ALDH6A1: variants seen among roughly 807,000 people sequenced by gnomAD.
The protein encoded by ALDH6A1 is methylmalonate-semialdehyde/malonate-semialdehyde dehydrogenase [acylating], mitochondrial.
Under a neutral mutation model 62.6 loss-of-function variants are expected in ALDH6A1, and 43 were observed. That is an observed-to-expected ratio of 0.69 (90% CI 0.54 to 0.89). ALDH6A1 has a LOEUF of 0.89. ALDH6A1 is among the 40% of genes least tolerant of loss of function. ALDH6A1 has a pLI of 0.00. For missense variants in ALDH6A1, 551 were observed against 661.3 expected (o/e 0.83, Z 1.83); for synonymous variants, 194 against 234.2 (o/e 0.83, Z 1.57).
chr14:74,057,971 T>C lies in ALDH6A1; in HGVS notation c.*2671A>G, dbSNP rs2060256345. ...TCTCTGTGACTACATTTAATTCCAC[T>C]TGGAATATAGACAATAATGACCTTT... On this transcript the variant is annotated 3_prime_UTR_variant, in exon 12 of 12. Transcript: ENST00000553458. The C allele has an allele frequency of 1.1e-6, 1 of 876,240 alleles. No individual in the cohort carries two copies. Among genetic ancestry groups the C allele is most frequent in the African/African-American group, 1.8e-5 (1 of 54,762 alleles). 54.3% of individuals were successfully genotyped at this position (876,240 alleles called of 1,614,324 possible).
intron 1 of ALDH6A1, among the ~76,000 whole-genome samples, chr14:74,075,425 GACGGGTATAT>G (rs751025308): frequency 3.3e-5 from 5 of 152,120 alleles, no homozygotes; most frequent in Non-Finnish European, 5.9e-5. Flanking sequence ...GGGAAGCTGA[GACGGGTATAT>G]CACTTGAGTC....
At chr14:74,070,348 A>G (rs2060531574) in intron 6 of ALDH6A1, among the ~76,000 whole-genome samples, 1 of 151,980 alleles carries the variant, frequency 6.6e-6, no homozygotes, top group South Asian at 2.1e-4. Context: ...GTGAAACCCC[A>G]TCTGTACTAA....
chr14:74,082,098 G>A (rs1217004858), intron 1 of ALDH6A1, among the ~76,000 whole-genome samples: 1 of 152,092 alleles, frequency 6.6e-6, no homozygotes, highest in Admixed American at 6.5e-5. Flanking sequence ...GCAGCTACTC[G>A]GAGGGCTGAG....
At chr14:74,079,457 A>G (rs980230915) in intron 1 of ALDH6A1, among the ~76,000 whole-genome samples, 2 of 145,828 alleles carry the variant, frequency 1.4e-5, no homozygotes, top group Non-Finnish European at 3.0e-5. Context: ...TTTTTGAGAC[A>G]GAGTCTCACT....
chr14:74,075,678 T>C (rs2060605074), intron 1 of ALDH6A1, among the ~76,000 whole-genome samples: 2 of 151,872 alleles, frequency 1.3e-5, no homozygotes, highest in African/African-American at 4.8e-5. Context: ...TCAATGTAAA[T>C]ATAAATATAA....
intron 9 of ALDH6A1, 79 bp from the exon 10 acceptor site, chr14:74,065,439 T>C (rs2060446253): frequency 8.0e-7 from 1 of 1,257,608 alleles, no homozygotes; most frequent in Non-Finnish European, 1.1e-6. Context: ...TACTTTCACT[T>C]ACTACACATC....
At position 74,057,866 on chromosome 14, in the gene ALDH6A1, T is replaced by C. The variant is rs1190730796; in HGVS notation, c.*2776A>G. 9.7e-7 allele frequency: 1 copy of C among 1,035,988 alleles called. No individual in the cohort carries two copies. The highest frequency in any genetic ancestry group is 1.7e-5 in the African/African-American group (1 of 57,816). The allele number at this position is 1,035,988 out of a possible 1,614,324, so 64.2% of individuals were successfully genotyped here. A position where few individuals can be genotyped will look rare whatever the true frequency, so the allele number is the denominator to read the frequency against. Reference sequence around the variant, plus strand: ...GCAAATAGTTGGCCAGATGAGTTGTTTCTAATTAGAGCATCACAGTTCTGA... The same window carrying C: ...GCAAATAGTTGGCCAGATGAGTTGTCTCTAATTAGAGCATCACAGTTCTGA... On this transcript the variant is annotated 3_prime_UTR_variant, in exon 12 of 12. Transcript: ENST00000553458.
intron 1 of ALDH6A1, among the ~76,000 whole-genome samples, chr14:74,075,953 C>A (rs2060608451): frequency 6.6e-6 from 1 of 152,174 alleles, no homozygotes; most frequent in Middle Eastern, 3.4e-3. Context: ...ATAATTATGG[C>A]AAGAGACAGA....
Position 74,066,699 on chromosome 14 carries a change from G to C in ALDH6A1, c.1224+6C>G. Reference sequence around the variant, plus strand: ...CTCTCATATTTGTGAAGTGAAAGTTGTTCACCTTGACATTCGAGATGATGG... The same window carrying C: ...CTCTCATATTTGTGAAGTGAAAGTTCTTCACCTTGACATTCGAGATGATGG... On this transcript the variant is annotated splice_donor_region_variant and intron_variant, in intron 9 of 11. Coordinates refer to ENST00000553458, the MANE Select transcript of ALDH6A1 (RefSeq NM_005589.4). The C allele has an allele frequency of 6.2e-7, 1 of 1,613,476 alleles. No individual in the cohort carries two copies. Among genetic ancestry groups the C allele is most frequent in the Non-Finnish European group, 8.5e-7 (1 of 1,179,470 alleles).
chr14:74,065,205 A>G lies in ALDH6A1; in HGVS notation c.1380T>C (p.Tyr460=). The change falls in exon 10 of 12, where the codon TAT becomes TAC. Residue 460 remains tyrosine (Y), a synonymous_variant. Transcript: ENST00000553458. ...CCTGTCCAACATCCACCAAGTGGGC[A>G]TATTTCCGAGCAGTGGCTCCATTGG... ...FTTNGATARK[Y]AHLVDVGQVG... 8.7e-6 allele frequency: 14 copies of G among 1,614,184 alleles called. No homozygotes were observed. The highest frequency in any genetic ancestry group is 1.2e-5 in the Non-Finnish European group (14 of 1,180,026).
At chr14:74,074,406 C>T (rs965476030) in intron 2 of ALDH6A1, among the ~76,000 whole-genome samples, 10 of 151,914 alleles carry the variant, frequency 6.6e-5, no homozygotes, top group African/African-American at 2.2e-4. Flanking sequence ...CCTGCCTCAG[C>T]CCGCAGAGTA....
chr14:74,075,248 A>T (rs2060599682), intron 1 of ALDH6A1, among the ~76,000 whole-genome samples: 1 of 152,174 alleles, frequency 6.6e-6, no homozygotes, highest in South Asian at 2.1e-4. Flanking sequence ...GATTAAAAAA[A>T]ATCTTTTTGT....
At chr14:74,075,105 T>G in intron 1 of ALDH6A1, 88 bp from the exon 2 acceptor site, 1 of 1,198,778 alleles carries the variant, frequency 8.3e-7, no homozygotes, top group African/African-American at 1.5e-5. Flanking sequence ...CTATTTGCTA[T>G]AGTATATAGG....
intron 1 of ALDH6A1, chr14:74,080,970 T>C (rs1011457702): frequency 1.3e-5 from 2 of 152,316 alleles, no homozygotes; most frequent in African/African-American, 4.8e-5. Context: ...CTCCTGCAAT[T>C]TAACGTGTGT....
intron 4 of ALDH6A1, 36 bp from the exon 5 acceptor site, chr14:74,072,010 G>A (rs774246751): frequency 3.1e-6 from 5 of 1,602,730 alleles, no homozygotes; most frequent in Non-Finnish European, 4.3e-6. Flanking sequence ...ATTAATGCAA[G>A]AATGTTCCTC....
Position 74,065,295 on chromosome 14 carries a change from T to A in ALDH6A1, c.1290A>T (p.Thr430=). Residue 430 remains threonine (T), a synonymous_variant, in exon 10 of 12, where the codon ACA becomes ACT. Coordinates refer to ENST00000553458, the MANE Select transcript of ALDH6A1 (RefSeq NM_005589.4). The part of the protein sequence containing the change: ...GPVLVVLETE[T]LDEAIQIVNN... Reference sequence around the variant, plus strand: ...TTACAATCTGGATGGCTTCATCCAATGTTTCTGTCTCCAGAACCACAAGAA... The same window carrying A: ...TTACAATCTGGATGGCTTCATCCAAAGTTTCTGTCTCCAGAACCACAAGAA... 1.9e-6 allele frequency: 3 copies of A among 1,614,188 alleles called. No individual in the cohort carries two copies. The highest frequency in any genetic ancestry group is 2.5e-6 in the Non-Finnish European group (3 of 1,180,030).
intron 2 of ALDH6A1, among the ~76,000 whole-genome samples, chr14:74,073,957 A>G (rs1328450171): frequency 6.8e-6 from 1 of 147,440 alleles, no homozygotes; most frequent in Non-Finnish European, 1.5e-5. Flanking sequence ...GTTTCTATGT[A>G]TTTTTTTCTG....
chr14:74,060,718 G>A lies in ALDH6A1; in HGVS notation c.1532C>T (p.Thr511Ile), dbSNP rs1462444890. The change falls in exon 12 of 12, where the codon ACC (threonine) becomes ATC (isoleucine). Residue 511 changes from threonine to isoleucine, a missense_variant. Transcript: ENST00000553458. ...QGIQFYTQLK[T>I]ITSQWKEEDA... Reference sequence around the variant, plus strand: ...TTCTTCTTTCCACTGAGAAGTAATGGTCTTTAACTGAGTGTAGAATTGGAT... The same window carrying A: ...TTCTTCTTTCCACTGAGAAGTAATGATCTTTAACTGAGTGTAGAATTGGAT... 6.2e-7 allele frequency: 1 copy of A among 1,613,408 alleles called. No individual in the cohort carries two copies. The highest frequency in any genetic ancestry group is 1.7e-5 in the Admixed American group (1 of 60,002).
At chr14:74,078,474 C>T in intron 1 of ALDH6A1, 1 of 264,130 alleles carries the variant, frequency 3.8e-6, no homozygotes, top group South Asian at 3.7e-5. Flanking sequence ...CTGCCTCAGC[C>T]TCCCAAATAG....
Sources: allele counts gnomAD v4.1 joint callset (sites outside exome capture counted in the v4.1 genomes callset), GRCh38; gene constraint gnomAD v4.1.1; transcripts MANE v1.5; gene names NCBI Gene and HGNC (gene_info 2026-07-23, HGNC 2026-07-21).